Variants in DLG2 observed in about 807,000 individuals in gnomAD.
DLG2 encodes the protein disks large homolog 2.
DLG2 carries 45 observed loss-of-function variants against 132.5 expected under a neutral mutation model. That is an observed-to-expected ratio of 0.34 (90% CI 0.27 to 0.44). DLG2 has a LOEUF of 0.44. DLG2 is among the 20% of genes least tolerant of loss of function. The pLI is 1.00. For synonymous variants in DLG2, 424 were observed against 419.6 expected, an observed-to-expected ratio of 1.01 and a Z score of -0.13; for missense variants, 1,045 against 1,196.9, an observed-to-expected ratio of 0.87 and a Z score of 1.87.
chr11:85,017,078 G>T (rs1428230923), intron 6 of DLG2, among the ~76,000 whole-genome samples: 1 of 152,172 alleles, frequency 6.6e-6, no homozygotes, highest in Admixed American at 6.5e-5. Flanking sequence ...AGTTGCTACA[G>T]ATATCTTATG....
At chr11:84,376,067 T>C (rs1316581292) in intron 7 of DLG2, among the ~76,000 whole-genome samples, 4 of 151,968 alleles carry the variant, frequency 2.6e-5, no homozygotes, top group African/African-American at 4.8e-5. Flanking sequence ...GGAAGAGAAA[T>C]AGCCATGTTA....
intron 6 of DLG2, among the ~76,000 whole-genome samples, chr11:84,836,161 A>G (rs1378824576): frequency 6.6e-6 from 1 of 151,784 alleles, no homozygotes; most frequent in African/African-American, 2.4e-5. Flanking sequence ...CAGTAAGAGA[A>G]TTGGTAATTA....
At chr11:84,780,112 T>C (rs774235757) in intron 6 of DLG2, among the ~76,000 whole-genome samples, 1 of 152,216 alleles carries the variant, frequency 6.6e-6, no homozygotes, top group South Asian at 2.1e-4. Context: ...ATTTTCCTAA[T>C]GAACAAAGAT....
chr11:85,129,362 C>T (rs963454658), intron 5 of DLG2, among the ~76,000 whole-genome samples: 1 of 152,156 alleles, frequency 6.6e-6, no homozygotes, highest in Non-Finnish European at 1.5e-5. Context: ...AGACTTTAAA[C>T]AATCTGAGTT....
At chr11:83,559,756 C>T (rs2142726116) in intron 19 of DLG2, among the ~76,000 whole-genome samples, 3 of 152,256 alleles carry the variant, frequency 2.0e-5, no homozygotes, top group Middle Eastern at 6.8e-3. Flanking sequence ...AGGAAGAGGT[C>T]ATATTTATCT....
intron 6 of DLG2, among the ~76,000 whole-genome samples, chr11:84,697,738 T>C (rs1269791919): frequency 6.6e-6 from 1 of 151,524 alleles, no homozygotes; most frequent in Non-Finnish European, 1.5e-5. Context: ...AGAGTGAATA[T>C]TCAAGCACAA....
chr11:85,152,894 C>CTT (rs2077348425), intron 5 of DLG2, among the ~76,000 whole-genome samples: 1 of 152,110 alleles, frequency 6.6e-6, no homozygotes, highest in African/African-American at 2.4e-5. Context: ...CTTAATCAAC[C>CTT]AGTTTTAATT....
intron 9 of DLG2, among the ~76,000 whole-genome samples, chr11:84,152,124 A>G (rs1309456177): frequency 6.6e-6 from 1 of 152,144 alleles, no homozygotes; most frequent in Admixed American, 6.5e-5. Flanking sequence ...TTGATGATCT[A>G]TCTAATACTG....
chr11:85,096,285 T>G (rs1426115454), intron 6 of DLG2, among the ~76,000 whole-genome samples: 1 of 152,144 alleles, frequency 6.6e-6, no homozygotes, highest in Non-Finnish European at 1.5e-5. Flanking sequence ...TCACAATAAA[T>G]CTTGCTGCTG....
intron 3 of DLG2, among the ~76,000 whole-genome samples, chr11:85,385,725 G>C (rs894048266): frequency 2.0e-5 from 3 of 152,122 alleles, no homozygotes; most frequent in Non-Finnish European, 4.4e-5. Flanking sequence ...CCTCCCCTGA[G>C]GCCAGAAGGG....
intron 6 of DLG2, among the ~76,000 whole-genome samples, chr11:84,830,278 G>A (rs185841697): frequency 4.4e-4 from 67 of 151,446 alleles, no homozygotes; most frequent in Admixed American, 3.0e-3. Flanking sequence ...TAGATCATAT[G>A]ACCTTCACAG....
At chr11:84,484,007 T>C (rs1170190845) in intron 7 of DLG2, among the ~76,000 whole-genome samples, 17 of 152,106 alleles carry the variant, frequency 1.1e-4, no homozygotes, top group African/African-American at 4.1e-4. Flanking sequence ...GGCAATTACA[T>C]TCTTTATGTT....
At chr11:83,789,141 T>C (rs2040812666) in intron 17 of DLG2, among the ~76,000 whole-genome samples, 1 of 152,206 alleles carries the variant, frequency 6.6e-6, no homozygotes, top group Non-Finnish European at 1.5e-5. Flanking sequence ...TTAGAAGATA[T>C]GTTGTAGATC....
intron 3 of DLG2, among the ~76,000 whole-genome samples, chr11:85,513,633 C>T (rs1436506478): frequency 6.6e-6 from 1 of 151,950 alleles, no homozygotes; most frequent in Admixed American, 6.6e-5. Context: ...GTACAAACTT[C>T]TACTTTCTAA....
At chr11:85,097,915 T>C (rs2070159642) in intron 6 of DLG2, among the ~76,000 whole-genome samples, 1 of 152,158 alleles carries the variant, frequency 6.6e-6, no homozygotes, top group South Asian at 2.1e-4. Context: ...TCTTTAGGGG[T>C]AGAGTAGAAT....
At chr11:83,513,753 C>T (rs868521316) in intron 21 of DLG2, among the ~76,000 whole-genome samples, 64 of 152,296 alleles carry the variant, frequency 4.2e-4, no homozygotes, top group African/African-American at 1.4e-3. Context: ...ATATGGCTAG[C>T]CAGTTGTCTC....
At chr11:83,838,972 T>C (rs117681421) in intron 16 of DLG2, among the ~76,000 whole-genome samples, 4,209 of 152,314 alleles carry the variant, frequency 0.028, 83 homozygotes, top group Middle Eastern at 0.082. Context: ...ATGTTTAATA[T>C]GCAATGTGAC....
chr11:84,661,151 C>T (rs780203238), intron 6 of DLG2, among the ~76,000 whole-genome samples: 1 of 152,140 alleles, frequency 6.6e-6, no homozygotes. Context: ...GAAAAAAATG[C>T]CAAGGCATAA....
chr11:84,981,578 T>C (rs1209115985), intron 6 of DLG2, among the ~76,000 whole-genome samples: 2 of 152,154 alleles, frequency 1.3e-5, no homozygotes, highest in Non-Finnish European at 2.9e-5. Context: ...TCTGTTTTGC[T>C]TATAAAACAA....
Sources: allele counts gnomAD v4.1 joint callset (sites outside exome capture counted in the v4.1 genomes callset), GRCh38; gene constraint gnomAD v4.1.1; transcripts MANE v1.5; gene names NCBI Gene and HGNC (gene_info 2026-07-23, HGNC 2026-07-21).